Variants in TG observed in about 807,000 individuals in gnomAD.
TG encodes thyroglobulin, also known as thyroid hormones.
In TG, 270 loss-of-function variants were observed where a neutral mutation model predicts 324.7. The observed-to-expected ratio is 0.83, with a 90% CI of 0.75 to 0.92. The LOEUF is 0.92. TG is among the 40% of genes least tolerant of loss of function. The probability of loss-of-function intolerance (pLI) is 0.00; values close to 1 mark genes in which losing one functional copy is unlikely to be tolerated. For missense variants in TG, 3,591 were observed against 3,456.4 expected (o/e 1.04, Z -0.98); for synonymous variants, 1,401 against 1,327.0 (o/e 1.06, Z -1.21).
intron 41 of TG, among the ~76,000 whole-genome samples, chr8:133,088,407 G>A (rs192597479): frequency 6.6e-6 from 1 of 152,246 alleles, no homozygotes; most frequent in Non-Finnish European, 1.5e-5. Flanking sequence ...AGCACAGTGT[G>A]GGGGGAACAA....
rs546024022 is a variant in TG at position 132,977,861 on chromosome 8, G to A, written c.6199+5120G>A. 2.6e-5 allele frequency among the ~76,000 whole-genome samples: 4 copies of A among 152,248 alleles called. No individual in the cohort carries two copies. The South Asian group carries it at 8.3e-4, about 32-fold the overall frequency. ...CCCTGTTTCTGAGGAATTGCCACTA[G>A]GATCAATTAGGAATTGAGATTTATT... On this transcript the variant is annotated intron_variant, in intron 34 of 47. Transcript: ENST00000220616.
intron 29 of TG, chr8:132,964,974 G>T: frequency 1.4e-6 from 1 of 700,968 alleles, no homozygotes; most frequent in Non-Finnish European, 2.6e-6. Context: ...GGGAACACCT[G>T]TGCCAAGGCT....
rs144730214 is a variant in TG at position 132,881,813 on chromosome 8, G to T, written c.639-50G>T. On this transcript the variant is annotated intron_variant, in intron 5 of 47. Transcript: ENST00000220616. ...ACATTTATTTCTACAGGAAAAGCTT[G>T]TGATGACTTGCCTTTATGAATGGTG... is the stretch of plus-strand genomic sequence containing the variant. The T allele has an allele frequency of 4.6e-3, 5,925 of 1,293,822 alleles. 25 individuals are homozygous for T. Among genetic ancestry groups the T allele is most frequent in the Non-Finnish European group, 5.4e-3 (4,752 of 887,690 alleles). 80.1% of individuals were successfully genotyped at this position (1,293,822 alleles called of 1,614,324 possible).
Position 132,886,919 on chromosome 8 carries a change from A to T in TG, c.1547A>T (p.Glu516Val). The change falls in exon 9 of 48, where the codon GAA becomes GTA. Residue 516 changes from glutamate to valine, a missense_variant. Transcript: ENST00000220616. ...LASFLNGGRQ[E>V]DLAKPLSVGL... ...AGCTTCTTGAATGGAGGGAGACAAG[A>T]AGATTTGGCCAAGCCACTCTCTGTG... 6.2e-7 allele frequency: 1 copy of T among 1,614,184 alleles called. No homozygotes were observed. The highest frequency in any genetic ancestry group is 8.5e-7 in the Non-Finnish European group (1 of 1,180,040).
intron 31 of TG, 48 bp from the exon 32 acceptor site, chr8:132,969,410 A>G: frequency 7.6e-7 from 1 of 1,315,074 alleles, no homozygotes. Context: ...TATTTTCATG[A>G]CTACAGCAAA....
chr8:132,885,572 G>T (rs149581958), intron 8 of TG, among the ~76,000 whole-genome samples: 1 of 152,210 alleles, frequency 6.6e-6, no homozygotes, highest in East Asian at 1.9e-4. Context: ...GGAGGAATTA[G>T]CCACACTAAA....
chr8:132,916,686 C>T (rs1820330409), intron 20 of TG, among the ~76,000 whole-genome samples: 1 of 152,160 alleles, frequency 6.6e-6, no homozygotes, highest in Non-Finnish European at 1.5e-5. Context: ...GGAGCAGAGA[C>T]CTTATTTGCA....
chr8:133,040,319 AAG>A, intron 41 of TG: 1 of 626,218 alleles, frequency 1.6e-6, no homozygotes, highest in Non-Finnish European at 2.8e-6. Context: ...TGAGAAATGT[AAG>A]CGTGCCCTGG....
In TG at chr8:132,933,691, C is replaced by T; in HGVS notation, c.4932+15C>T. ...CTTCTGACCAGGTGAGGTGGGGCAG[C>T]CACGTGTGGTTCTGCTCCTCATCCG... On this transcript the variant is annotated intron_variant, in intron 24 of 47. Transcript: ENST00000220616. 1.2e-6 allele frequency: 2 copies of T among 1,608,916 alleles called. No homozygotes were observed. Among genetic ancestry groups the T allele is most frequent in the Non-Finnish European group, 1.7e-6 (2 of 1,175,246 alleles).
chr8:132,873,831 G>A lies in TG; in HGVS notation c.638+610G>A, dbSNP rs188740079. Among the ~76,000 whole-genome samples, 87 of 152,272 alleles carry A rather than the reference G, an allele frequency of 5.7e-4. 3 individuals are homozygous for A. Among genetic ancestry groups the A allele is most frequent in the Admixed American group, 5.2e-3 (79 of 15,294 alleles). ...TAAGAGGAAGGAGCATAAAGTGCAT[G>A]GTTATCCTGGGCTGCTTTAGGGCCA... On this transcript the variant is annotated intron_variant, in intron 5 of 47. Transcript: ENST00000220616.
chr8:133,027,264 A>G (rs1038373804), intron 40 of TG, among the ~76,000 whole-genome samples: 1 of 152,196 alleles, frequency 6.6e-6, no homozygotes, highest in African/African-American at 2.4e-5. Flanking sequence ...TGAGCAGAGG[A>G]GTAGGAGCCA....
At chr8:133,018,055 A>G (rs1279166848) in intron 38 of TG, 58 bp downstream of exon 38, 1 of 1,534,810 alleles carries the variant, frequency 6.5e-7, no homozygotes, top group East Asian at 2.3e-5. Context: ...CTCCATTCTA[A>G]TCTATCCAAA....
rs566730111 is a variant in TG, at chr8:133,063,181, A to G, written c.7240-31863A>G. ...AATGCCTTCCTGTCCTTTCAGCCTG[A>G]CTCATCAACTGTCATTCAACACCTA... On this transcript the variant is annotated intron_variant, in intron 41 of 47. Transcript: ENST00000220616. Among the ~76,000 whole-genome samples the G allele has an allele frequency of 1.2e-3, 185 of 150,818 alleles. 1 individual carries two copies. Among genetic ancestry groups the G allele is most frequent in the Non-Finnish European group, 1.9e-3 (127 of 67,904 alleles).
intron 22 of TG, among the ~76,000 whole-genome samples, chr8:132,927,655 C>T (rs1278270199): frequency 6.6e-6 from 1 of 152,062 alleles, no homozygotes; most frequent in Non-Finnish European, 1.5e-5. Flanking sequence ...AGATCTCTAT[C>T]ACCAAGGTGT....
chr8:133,117,784 C>T (rs1588133544), intron 45 of TG, among the ~76,000 whole-genome samples: 1 of 152,336 alleles, frequency 6.6e-6, no homozygotes, highest in Middle Eastern at 3.4e-3. Context: ...ACATTCATCA[C>T]TCACATCCAT....
rs1275607356 is a variant in TG at position 132,888,232 on chromosome 8, T to C, written c.2425T>C (p.Tyr809His). 2.5e-6 allele frequency: 4 copies of C among 1,614,218 alleles called. No individual in the cohort carries two copies. Among genetic ancestry groups the C allele is most frequent in the Non-Finnish European group, 3.4e-6 (4 of 1,180,038 alleles). Residue 809 changes from tyrosine (Y) to histidine (H), a missense_variant, in exon 10 of 48, where the codon TAC becomes CAC. Physicochemically the swap from Tyr to His is moderately conservative, Grantham distance 83. Coordinates refer to ENST00000220616, the MANE Select transcript of TG (RefSeq NM_003235.5). ...PAKLLVKIMS[Y>H]REAASGNFSL... is the part of the protein sequence containing the mutation. ...CAAGCTGCTAGTGAAGATCATGAGC[T>C]ACAGAGAAGCAGCTTCCGGAAACTT...
At chr8:132,991,768 A>G (rs1167688479) in intron 35 of TG, among the ~76,000 whole-genome samples, 1 of 152,118 alleles carries the variant, frequency 6.6e-6, no homozygotes, top group East Asian at 1.9e-4. Context: ...CACATCTGCC[A>G]GGGACTGTGC....
intron 43 of TG, among the ~76,000 whole-genome samples, chr8:133,099,556 A>G (rs1458169246): frequency 6.6e-6 from 1 of 152,154 alleles, no homozygotes; most frequent in Admixed American, 6.5e-5. Context: ...CCCACTTGAC[A>G]TCTTCACTTA....
At chr8:133,034,061 G>T (rs6982276) in intron 41 of TG, among the ~76,000 whole-genome samples, 22,770 of 152,182 alleles carry the variant, frequency 0.15, 2,041 homozygotes, top group African/African-American at 0.24. Flanking sequence ...CTCATAGTGT[G>T]AGCATGCTAT....
Sources: gnomAD v4.1 joint callset for allele counts (sites outside exome capture counted in the v4.1 genomes callset) on GRCh38, gnomAD v4.1.1 for gene constraint, MANE v1.5 for transcripts, NCBI Gene and HGNC (gene_info 2026-07-23, HGNC 2026-07-21) for gene names.